The following GRIP1 variants were observed in gnomAD, a reference collection of about 807,000 sequenced individuals.
GRIP1 encodes the protein glutamate receptor interacting protein 1.
GRIP1 carries 45 observed loss-of-function variants against 129.9 expected under a neutral mutation model. The ratio of observed to expected loss-of-function variants is 0.35; its 90% CI spans 0.27 to 0.44. GRIP1 has a LOEUF of 0.44. Ranked by LOEUF, GRIP1 falls within the 20% of genes least tolerant of loss-of-function variation. The pLI is 1.00. For missense variants in GRIP1, 1,196 were observed against 1,396.8 expected, an observed-to-expected ratio of 0.86 and a Z score of 2.29; for synonymous variants, 530 against 520.8, an observed-to-expected ratio of 1.02 and a Z score of -0.24.
At chr12:66,394,856 A>G (rs565784189) in intron 16 of GRIP1, among the ~76,000 whole-genome samples, 1 of 152,222 alleles carries the variant, frequency 6.6e-6, no homozygotes, top group Non-Finnish European at 1.5e-5. Context: ...TAACATATAT[A>G]TGGTTAAGTG....
chr12:66,817,478 C>T (rs1475846060), intron 1 of GRIP1, among the ~76,000 whole-genome samples: 1 of 152,088 alleles, frequency 6.6e-6, no homozygotes, highest in Non-Finnish European at 1.5e-5. Flanking sequence ...GACATGATCT[C>T]AGCTCACCAT....
chr12:66,547,243 A>G (rs2061974533), intron 2 of GRIP1, among the ~76,000 whole-genome samples: 1 of 151,950 alleles, frequency 6.6e-6, no homozygotes, highest in Non-Finnish European at 1.5e-5. Context: ...CACACTTATC[A>G]GAAAGGCTAA....
At chr12:66,636,813 A>G (rs11176343) in intron 1 of GRIP1, among the ~76,000 whole-genome samples, 29,871 of 151,620 alleles carry the variant, frequency 0.2, 3,082 homozygotes, top group Non-Finnish European at 0.23. Flanking sequence ...CCATCTGCAA[A>G]CCAGGAAAAG....
intron 1 of GRIP1, among the ~76,000 whole-genome samples, chr12:67,036,652 T>C (rs1053749847): frequency 6.6e-6 from 1 of 152,100 alleles, no homozygotes; most frequent in Non-Finnish European, 1.5e-5. Context: ...GTCAACACTT[T>C]TGTACCTTCA....
Position 66,349,223 on chromosome 12 carries a change from G to C in GRIP1, c.3183C>G (p.Asp1061Glu). The C allele has an allele frequency of 6.2e-7, 1 of 1,613,966 alleles. No homozygotes were observed. The highest frequency in any genetic ancestry group is 8.5e-7 in the Non-Finnish European group (1 of 1,179,858). Residue 1061 changes from aspartate (D) to glutamate (E), a missense_variant, in exon 25 of 25, where the codon GAC becomes GAG. Physicochemically the swap from Asp to Glu is conservative, Grantham distance 45 (BLOSUM62 2). Around this residue, in one of 5 missense-constraint regions of GRIP1, gnomAD observed 427 missense variants for 463.3 expected, o/e 0.92. Transcript: ENST00000359742. ...LLQVNHVRTR[D>E]FDCCLVVPLI... is the part of the protein sequence containing the mutation. Reference sequence around the variant, plus strand: ...GGGGCACAACAAGGCAGCAGTCAAAGTCTCTGGTTCGGACATGATTCACCT... The same window carrying C: ...GGGGCACAACAAGGCAGCAGTCAAACTCTCTGGTTCGGACATGATTCACCT...
At chr12:66,842,127 C>A (rs969630548) in intron 1 of GRIP1, among the ~76,000 whole-genome samples, 1 of 151,784 alleles carries the variant, frequency 6.6e-6, no homozygotes, top group African/African-American at 2.4e-5. Flanking sequence ...AAAGTATATG[C>A]CCATGATAGA....
chr12:66,969,468 T>C (rs2042041630), intron 1 of GRIP1, among the ~76,000 whole-genome samples: 1 of 152,136 alleles, frequency 6.6e-6, no homozygotes, highest in Admixed American at 6.6e-5. Flanking sequence ...GTGCAGTTAA[T>C]AGCTAACTGC....
At position 67,045,036 on chromosome 12, in the gene GRIP1, G is replaced by A. The variant is rs77545419; in HGVS notation, c.58+24014C>T. Among the ~76,000 whole-genome samples the A allele has an allele frequency of 8.8e-3, 1,346 of 152,322 alleles. 15 individuals are homozygous for A. The highest frequency in any genetic ancestry group is 0.03 in the African/African-American group (1,260 of 41,570). ...GTTCACATAGCTAATAAATGGCAGA[G>A]CCAAGATTTGAATGGAAGTAGGTCA... is the stretch of plus-strand genomic sequence containing the variant. On this transcript the variant is annotated intron_variant, in intron 1 of 1. Coordinates refer to the GRIP1 transcript ENST00000643019.
intron 1 of GRIP1, among the ~76,000 whole-genome samples, chr12:66,887,352 C>A (rs767835343): frequency 6.6e-6 from 1 of 152,218 alleles, no homozygotes; most frequent in Non-Finnish European, 1.5e-5. Flanking sequence ...TGCAAATTTT[C>A]TCCCTGTGCC....
intron 1 of GRIP1, among the ~76,000 whole-genome samples, chr12:66,637,136 C>T (rs1361866469): frequency 6.6e-6 from 1 of 151,994 alleles, no homozygotes; most frequent in South Asian, 2.1e-4. Context: ...GGGAAGTTAA[C>T]TGGGGCATCA....
At chr12:66,862,068 A>C (rs2040122022) in intron 1 of GRIP1, among the ~76,000 whole-genome samples, 1 of 152,114 alleles carries the variant, frequency 6.6e-6, no homozygotes, top group Non-Finnish European at 1.5e-5. Context: ...GGACACATTA[A>C]AGAATAATGA....
chr12:66,634,856 C>T (rs1219445953), intron 1 of GRIP1, among the ~76,000 whole-genome samples: 1 of 152,236 alleles, frequency 6.6e-6, no homozygotes, highest in Non-Finnish European at 1.5e-5. Context: ...CAATGTTGGA[C>T]TCTTCTTGTG....
intron 7 of GRIP1, among the ~76,000 whole-genome samples, chr12:66,506,525 C>T (rs34583648): frequency 0.49 from 74,888 of 151,896 alleles, 19,020 homozygotes; most frequent in African/African-American, 0.63. Context: ...AGGGGTTACA[C>T]ATGGGGAAGG....
intron 1 of GRIP1, among the ~76,000 whole-genome samples, chr12:66,778,464 A>G (rs529302355): frequency 6.6e-6 from 1 of 152,330 alleles, no homozygotes; most frequent in South Asian, 2.1e-4. Context: ...CATATAAGAT[A>G]CTTGCTACAT....
chr12:66,626,854 G>A (rs1292909653), intron 1 of GRIP1: 1 of 152,476 alleles, frequency 6.6e-6, no homozygotes, highest in African/African-American at 2.4e-5. Context: ...CAGGACAAAC[G>A]AGAACTTGGC....
chr12:66,519,867 G>C (rs1290994702), intron 5 of GRIP1, among the ~76,000 whole-genome samples: 1 of 152,218 alleles, frequency 6.6e-6, no homozygotes, highest in Non-Finnish European at 1.5e-5. Flanking sequence ...TGTCTAAAGT[G>C]TAAAGCAACT....
chr12:66,685,072 C>G (rs868072395), intron 1 of GRIP1, among the ~76,000 whole-genome samples: 2 of 152,096 alleles, frequency 1.3e-5, no homozygotes, highest in Non-Finnish European at 2.9e-5. Flanking sequence ...TTAATATACT[C>G]CCACCTGACT....
chr12:66,538,390 CT>C (rs2061671832), intron 4 of GRIP1, among the ~76,000 whole-genome samples: 1 of 151,296 alleles, frequency 6.6e-6, no homozygotes, highest in South Asian at 2.1e-4. Context: ...GAAACATGGT[CT>C]CATTTTGTTG....
chr12:66,951,854 GTTTCTAGATT>G (rs201837516), intron 1 of GRIP1, among the ~76,000 whole-genome samples: 2,414 of 152,188 alleles, frequency 0.016, 69 homozygotes, highest in African/African-American at 0.055. Context: ...TATCTCCTAG[GTTTCTAGATT>G]ACAGACCTGA....
Sources: gnomAD v4.1 joint callset for allele counts (sites outside exome capture counted in the v4.1 genomes callset) on GRCh38, gnomAD v4.1.1 for gene constraint, gnomAD v4.1.1 regional missense constraint, MANE v1.5 for transcripts, NCBI Gene and HGNC (gene_info 2026-07-23, HGNC 2026-07-21) for gene names.